Variants in ITGBL1 observed in about 807,000 individuals in gnomAD.
The protein encoded by ITGBL1 is integrin beta-like protein 1.
ITGBL1 carries 51 observed loss-of-function variants against 68.5 expected under a neutral mutation model. That is an observed-to-expected ratio of 0.74 (90% CI 0.59 to 0.94). The LOEUF is 0.94. ITGBL1 is among the 40% of genes least tolerant of loss of function. The pLI, the probability that ITGBL1 is intolerant of heterozygous loss-of-function variation, is 0.00. For missense variants in ITGBL1, 649 were observed against 647.4 expected, an observed-to-expected ratio of 1.00 and a Z score of -0.03; for synonymous variants, 209 against 227.3, an observed-to-expected ratio of 0.92 and a Z score of 0.72.
At chr13:101,634,582 T>C (rs959406593) in intron 7 of ITGBL1, among the ~76,000 whole-genome samples, 2 of 152,114 alleles carry the variant, frequency 1.3e-5, no homozygotes, top group African/African-American at 2.4e-5. Flanking sequence ...GGGCTAGTCA[T>C]TTGGGACTAG....
intron 3 of ITGBL1, among the ~76,000 whole-genome samples, chr13:101,571,103 C>T (rs1438638603): frequency 6.6e-6 from 1 of 152,136 alleles, no homozygotes; most frequent in Admixed American, 6.5e-5. Flanking sequence ...AGTCCAACCT[C>T]ACAGGATTAC....
Position 101,453,863 on chromosome 13 carries a change from G to T in ITGBL1, c.99-20G>T. 8.1e-7 allele frequency: 1 copy of T among 1,234,142 alleles called. No individual in the cohort carries two copies. Among genetic ancestry groups the T allele is most frequent in the Non-Finnish European group, 1.0e-6 (1 of 990,856 alleles). 76.4% of individuals were successfully genotyped at this position (1,234,142 alleles called of 1,614,324 possible). A position where few individuals can be genotyped will look rare whatever the true frequency, so the allele number is the denominator to read the frequency against. Reference sequence around the variant, plus strand: ...CGTCCGCGTCTGACCCGGCCTGCCGGTTGCTTGTCGCCCGCGCAGGAGCTG... The same window carrying T: ...CGTCCGCGTCTGACCCGGCCTGCCGTTTGCTTGTCGCCCGCGCAGGAGCTG... On this transcript the variant is annotated intron_variant, in intron 1 of 10. Coordinates refer to ENST00000376180, the MANE Select transcript of ITGBL1 (RefSeq NM_004791.3).
intron 7 of ITGBL1, among the ~76,000 whole-genome samples, chr13:101,643,053 T>C (rs1431373602): frequency 6.7e-6 from 1 of 149,656 alleles, no homozygotes; most frequent in Non-Finnish European, 1.5e-5. Flanking sequence ...GTGGGCTCTT[T>C]TTTGGTTCCA....
intron 7 of ITGBL1, among the ~76,000 whole-genome samples, chr13:101,633,137 A>G (rs2032043334): frequency 6.6e-6 from 1 of 152,230 alleles, no homozygotes. Context: ...TTCAAAGAGT[A>G]CATGGATATC....
chr13:101,536,783 A>C (rs991235642), intron 2 of ITGBL1, among the ~76,000 whole-genome samples: 6 of 152,018 alleles, frequency 3.9e-5, no homozygotes, highest in African/African-American at 1.4e-4. Context: ...ACCTTTCAAT[A>C]CAGAAGATGA....
rs975962661 is a variant in ITGBL1, at chr13:101,602,305, T to C, written c.1015+4006T>C. On this transcript the variant is annotated intron_variant, in intron 7 of 10. Transcript: ENST00000376180. ...GAGAAGGAAGGCATGTAGCCTCAGG[T>C]GTGTTCTTGGTATCAGATCAGTACA... 2.0e-5 allele frequency among the ~76,000 whole-genome samples: 3 copies of C among 152,024 alleles called. No individual in the cohort carries two copies. The South Asian group carries it at 6.2e-4, about 31-fold the overall frequency.
At chr13:101,648,443 A>G (rs186066887) in intron 7 of ITGBL1, among the ~76,000 whole-genome samples, 2 of 152,344 alleles carry the variant, frequency 1.3e-5, no homozygotes, top group East Asian at 3.9e-4. Context: ...AAAACAAATA[A>G]GAGATAGACA....
intron 7 of ITGBL1, among the ~76,000 whole-genome samples, chr13:101,675,319 A>G (rs1437868897): frequency 1.3e-5 from 2 of 151,776 alleles, no homozygotes; most frequent in East Asian, 3.9e-4. Context: ...TCAGATCTGT[A>G]GTTTGAATTA....
intron 7 of ITGBL1, among the ~76,000 whole-genome samples, chr13:101,599,468 T>C (rs1158498395): frequency 1.3e-5 from 2 of 151,758 alleles, no homozygotes; most frequent in Non-Finnish European, 3.0e-5. Context: ...ATTTTGACTT[T>C]TGTTGCCATT....
At chr13:101,692,215 C>T (rs891617050) in intron 7 of ITGBL1, among the ~76,000 whole-genome samples, 6 of 151,854 alleles carry the variant, frequency 4.0e-5, no homozygotes, top group Non-Finnish European at 5.9e-5. Context: ...CCACATCATA[C>T]TAAATTATGT....
At chr13:101,544,714 T>C (rs564302846) in intron 2 of ITGBL1, among the ~76,000 whole-genome samples, 163 of 152,264 alleles carry the variant, frequency 1.1e-3, no homozygotes, top group African/African-American at 3.8e-3. Flanking sequence ...AGTTCAAGCT[T>C]CCTGGCCGCT....
rs74122641 is a variant in ITGBL1 at position 101,697,911 on chromosome 13, C to G, written c.1132+5210C>G. Among the ~76,000 whole-genome samples the G allele has an allele frequency of 7.1e-3, 1,083 of 152,292 alleles. 12 individuals are homozygous for G. The highest frequency in any genetic ancestry group is 0.024 in the African/African-American group (997 of 41,566). ...GAAGCACTAGCTGCAGAGCGTTTTG[C>G]AAGGAAGTTGGACTCACACAAATCA... On this transcript the variant is annotated intron_variant, in intron 8 of 10. Transcript: ENST00000376180.
At chr13:101,558,389 C>G (rs1229228322) in intron 2 of ITGBL1, among the ~76,000 whole-genome samples, 5 of 152,104 alleles carry the variant, frequency 3.3e-5, no homozygotes, top group African/African-American at 1.2e-4. Context: ...ATGATGGGTA[C>G]ACTAGAAGCT....
At chr13:101,525,160 T>A (rs190405884) in intron 2 of ITGBL1, among the ~76,000 whole-genome samples, 220 of 152,286 alleles carry the variant, frequency 1.4e-3, no homozygotes, top group African/African-American at 4.9e-3. Flanking sequence ...TGAACTGATA[T>A]ATGTTCATAT....
At chr13:101,509,637 A>G (rs1432776565) in intron 2 of ITGBL1, among the ~76,000 whole-genome samples, 1 of 152,120 alleles carries the variant, frequency 6.6e-6, no homozygotes, top group Non-Finnish European at 1.5e-5. Context: ...TTCAGATTTG[A>G]AACTGATCAT....
At chr13:101,636,478 G>A (rs1274322830) in intron 7 of ITGBL1, among the ~76,000 whole-genome samples, 1 of 152,136 alleles carries the variant, frequency 6.6e-6, no homozygotes, top group African/African-American at 2.4e-5. Flanking sequence ...CTCCATATTT[G>A]TTTAGAAGCC....
intron 6 of ITGBL1, among the ~76,000 whole-genome samples, chr13:101,585,090 G>T (rs1031513770): frequency 4.6e-5 from 7 of 152,086 alleles, no homozygotes; most frequent in African/African-American, 1.4e-4. Context: ...AACAAGAACT[G>T]GGGGGCTTTT....
intron 2 of ITGBL1, among the ~76,000 whole-genome samples, chr13:101,526,081 AC>A (rs1594866288): frequency 1.3e-5 from 2 of 151,950 alleles, no homozygotes; most frequent in East Asian, 1.9e-4. Context: ...GCCTTCAAAT[AC>A]AAACATTTTA....
chr13:101,471,568 G>GTGTGTGTGTA (rs1206745931), intron 2 of ITGBL1, among the ~76,000 whole-genome samples: 1 of 144,626 alleles, frequency 6.9e-6, no homozygotes, highest in African/African-American at 2.6e-5. Flanking sequence ...GTGTGTGTGT[G>GTGTGTGTGTA]TATATATATT....
Sources: gnomAD v4.1 joint callset for allele counts (sites outside exome capture counted in the v4.1 genomes callset) on GRCh38, gnomAD v4.1.1 for gene constraint, MANE v1.5 for transcripts, NCBI Gene and HGNC (gene_info 2026-07-23, HGNC 2026-07-21) for gene names.